Variants in SDK2 observed in about 807,000 individuals in gnomAD.
SDK2 encodes sidekick cell adhesion molecule 2.
Under a neutral mutation model 253.9 loss-of-function variants are expected in SDK2, and 105 were observed. The ratio of observed to expected loss-of-function variants is 0.41; its 90% CI spans 0.35 to 0.49. SDK2 has a LOEUF of 0.49. Ranked by LOEUF, SDK2 falls within the 20% of genes least tolerant of loss-of-function variation. The pLI is 0.06. For missense variants in SDK2, 2,608 were observed against 3,003.0 expected (o/e 0.87, Z 3.07); for synonymous variants, 1,249 against 1,234.9 (o/e 1.01, Z -0.24).
rs774542428 is a variant in SDK2 at position 73,430,567 on chromosome 17, C to T, written c.1527G>A (p.Lys509=). The change falls in exon 12 of 45, where the codon AAG becomes AAA. Residue 509 remains lysine (K), a synonymous_variant. Coordinates refer to ENST00000392650, the MANE Select transcript of SDK2 (RefSeq NM_001144952.2). ...CGCACACCATGGAGGCCTGGGTGCC[C>T]TTGATGACACTCTGATCCTGGGGGG... is the stretch of plus-strand genomic sequence containing the variant. The part of the protein sequence containing the change: ...TKPPQDQSVI[K]GTQASMVCGV... 6.9e-5 allele frequency: 110 copies of T among 1,597,044 alleles called. No homozygotes were observed. The highest frequency in any genetic ancestry group is 9.0e-5 in the Non-Finnish European group (106 of 1,171,640).
At chr17:73,538,693 G>C (rs2044819062) in intron 1 of SDK2, among the ~76,000 whole-genome samples, 1 of 152,166 alleles carries the variant, frequency 6.6e-6, no homozygotes, top group Admixed American at 6.5e-5. Flanking sequence ...TCCTCTGGAA[G>C]CACCCACCTC....
chr17:73,355,662 A>C (rs1257504430), intron 40 of SDK2, among the ~76,000 whole-genome samples: 1 of 151,954 alleles, frequency 6.6e-6, no homozygotes, highest in Non-Finnish European at 1.5e-5. Context: ...TTTGTTTAAT[A>C]TCTCTCTTTC....
Position 73,386,431 on chromosome 17 carries a change from G to A in SDK2, c.4498+14C>T. 2 of 1,517,960 alleles carry A rather than the reference G, an allele frequency of 1.3e-6. No homozygotes were observed. Among genetic ancestry groups the A allele is most frequent in the Non-Finnish European group, 1.8e-6 (2 of 1,116,180 alleles). 94.0% of individuals were successfully genotyped at this position (1,517,960 alleles called of 1,614,324 possible). A position where few individuals can be genotyped will look rare whatever the true frequency, so the allele number is the denominator to read the frequency against. Reference sequence around the variant, plus strand: ...GTGGGCTGAGAGAGAGACTGCTGGGGAAGGGGTACTGACCAGCCTGCAGGG... The same window carrying A: ...GTGGGCTGAGAGAGAGACTGCTGGGAAAGGGGTACTGACCAGCCTGCAGGG... On this transcript the variant is annotated intron_variant, in intron 31 of 44. Coordinates refer to ENST00000392650, the MANE Select transcript of SDK2 (RefSeq NM_001144952.2).
At chr17:73,588,171 G>A (rs12951222) in intron 1 of SDK2, among the ~76,000 whole-genome samples, 2,650 of 150,124 alleles carry the variant, frequency 0.018, 39 homozygotes, top group Non-Finnish European at 0.027. Flanking sequence ...TCAGGAGTTC[G>A]AGACCAGCCT....
At chr17:73,466,972 G>T (rs1458568709) in intron 3 of SDK2, among the ~76,000 whole-genome samples, 1 of 152,168 alleles carries the variant, frequency 6.6e-6, no homozygotes, top group African/African-American at 2.4e-5. Context: ...CCATCCCCAA[G>T]ACATGCCGTT....
chr17:73,559,875 G>C (rs1366073164), intron 1 of SDK2, among the ~76,000 whole-genome samples: 1 of 152,230 alleles, frequency 6.6e-6, no homozygotes, highest in Non-Finnish European at 1.5e-5. Context: ...TCCCTGGCCT[G>C]ATCCCCCCAG....
At chr17:73,540,963 T>C (rs767040998) in intron 1 of SDK2, among the ~76,000 whole-genome samples, 3 of 152,064 alleles carry the variant, frequency 2.0e-5, no homozygotes, top group Non-Finnish European at 4.4e-5. Flanking sequence ...AGGTGCTGAG[T>C]TGTGGCTACA....
At position 73,440,749 on chromosome 17, in the gene SDK2, C is replaced by A. The variant is rs561728062; in HGVS notation, c.725+63G>T. 1.3e-3 allele frequency: 1,660 copies of A among 1,229,958 alleles called. 2 individuals are homozygous for A. Among genetic ancestry groups the A allele is most frequent in the Admixed American group, 2.1e-3 (105 of 50,492 alleles). 76.2% of individuals were successfully genotyped at this position (1,229,958 alleles called of 1,614,324 possible). ...GGCTTCTGGCTGCTCTCCCTGGAGC[C>A]CGCAGTTTGGGAGCAGCAGCTGGAG... On this transcript the variant is annotated intron_variant, in intron 6 of 44. Coordinates refer to ENST00000392650, the MANE Select transcript of SDK2 (RefSeq NM_001144952.2).
At chr17:73,636,286 G>A (rs1010228455) in intron 1 of SDK2, among the ~76,000 whole-genome samples, 61 of 152,062 alleles carry the variant, frequency 4.0e-4, no homozygotes, top group African/African-American at 1.4e-3. Flanking sequence ...TGAGGCAGAC[G>A]ATGGTTGTAA....
chr17:73,350,894 C>T (rs2062532056), intron 41 of SDK2, 104 bp from the exon 42 acceptor site: 1 of 1,242,512 alleles, frequency 8.0e-7, no homozygotes, highest in Admixed American at 2.2e-5. Context: ...TATGGGAAGG[C>T]AGGGTCTGTA....
chr17:73,601,354 T>C (rs2045837610), intron 1 of SDK2, among the ~76,000 whole-genome samples: 2 of 152,104 alleles, frequency 1.3e-5, no homozygotes, highest in Non-Finnish European at 2.9e-5. Context: ...CATGGACCCT[T>C]TGAGGTGGCA....
At chr17:73,373,509 C>T (rs1443656267) in intron 36 of SDK2, among the ~76,000 whole-genome samples, 1 of 152,138 alleles carries the variant, frequency 6.6e-6, no homozygotes, top group African/African-American at 2.4e-5. Context: ...TTTCCCCATA[C>T]GCTTACCACC....
chr17:73,561,803 G>T (rs544363946), intron 1 of SDK2, among the ~76,000 whole-genome samples: 1 of 152,248 alleles, frequency 6.6e-6, no homozygotes, highest in African/African-American at 2.4e-5. Flanking sequence ...ATAAAGGAGG[G>T]GCTATCAAAA....
Position 73,368,404 on chromosome 17 carries a change from C to T in SDK2, c.5167+3G>A, listed in dbSNP as rs777461767. 7 of 1,526,802 alleles carry T rather than the reference C, an allele frequency of 4.6e-6. No homozygotes were observed. The African/African-American group carries it at 8.3e-5, about 18-fold the overall frequency. 94.6% of individuals were successfully genotyped at this position (1,526,802 alleles called of 1,614,324 possible). A position where few individuals can be genotyped will look rare whatever the true frequency, so the allele number is the denominator to read the frequency against. On this transcript the variant is annotated splice_donor_region_variant and intron_variant, in intron 37 of 44. Transcript: ENST00000392650. The stretch of plus-strand genomic sequence containing the variant: ...CTCCCCTCCTCAGGGCCCCCTCTCC[C>T]ACCTGCTTGCTGGGTCTGGCCTTGG...
intron 2 of SDK2, among the ~76,000 whole-genome samples, chr17:73,477,712 G>A (rs1711663198): frequency 1.3e-5 from 2 of 152,142 alleles, no homozygotes; most frequent in Non-Finnish European, 2.9e-5. Flanking sequence ...AGGGGCTTCA[G>A]CCAAGCACTA....
chr17:73,505,167 T>C (rs2063925192), intron 2 of SDK2, among the ~76,000 whole-genome samples: 1 of 152,210 alleles, frequency 6.6e-6, no homozygotes. Context: ...GAAAGATTGC[T>C]TAGGATACAC....
At chr17:73,364,430 G>A (rs1038072437) in intron 38 of SDK2, among the ~76,000 whole-genome samples, 1 of 152,092 alleles carries the variant, frequency 6.6e-6, no homozygotes, top group Non-Finnish European at 1.5e-5. Context: ...AGTGGGGGGT[G>A]CAGGGACCTC....
intron 1 of SDK2, among the ~76,000 whole-genome samples, chr17:73,636,449 A>G (rs1239596616): frequency 6.6e-6 from 1 of 152,124 alleles, no homozygotes; most frequent in Non-Finnish European, 1.5e-5. Context: ...GCACTTTGGG[A>G]GACCGAGGTG....
intron 1 of SDK2, among the ~76,000 whole-genome samples, chr17:73,561,628 G>A (rs2045235591): frequency 6.6e-6 from 1 of 152,212 alleles, no homozygotes; most frequent in Non-Finnish European, 1.5e-5. Context: ...GGCCTCTGGT[G>A]GCCTCCAATG....
Sources: allele counts gnomAD v4.1 joint callset (sites outside exome capture counted in the v4.1 genomes callset), GRCh38; gene constraint gnomAD v4.1.1; transcripts MANE v1.5; gene names NCBI Gene and HGNC (gene_info 2026-07-23, HGNC 2026-07-21).